Variants in WDR47 observed in about 807,000 individuals in gnomAD.
WDR47 encodes the protein WD repeat-containing protein 47.
Under a neutral mutation model 97.2 loss-of-function variants are expected in WDR47, and 32 were observed. The ratio of observed to expected loss-of-function variants is 0.33; its 90% CI spans 0.25 to 0.44. WDR47 has a LOEUF of 0.44. WDR47 is among the 20% of genes least tolerant of loss of function. The probability of loss-of-function intolerance (pLI) is 1.00; values close to 1 mark genes in which losing one functional copy is unlikely to be tolerated. For missense variants in WDR47, 782 were observed against 1,102.3 expected, an observed-to-expected ratio of 0.71 and a Z score of 4.11; for synonymous variants, 375 against 373.5, an observed-to-expected ratio of 1.00 and a Z score of -0.05.
intron 3 of WDR47, among the ~76,000 whole-genome samples, chr1:109,015,489 A>G (rs1454699765): frequency 1.4e-5 from 2 of 148,086 alleles, no homozygotes; most frequent in Non-Finnish European, 3.0e-5. Flanking sequence ...ACATCCAGCC[A>G]ATTTTTTTTT....
At chr1:109,019,382 C>CA (rs543984146) in intron 2 of WDR47, among the ~76,000 whole-genome samples, 10,767 of 60,960 alleles carry the variant, frequency 0.18, 672 homozygotes, top group Middle Eastern at 0.25. Flanking sequence ...GACTCTGTCT[C>CA]AAAAAAAAAA....
At chr1:109,029,030 A>G (rs1347840694) in intron 1 of WDR47, among the ~76,000 whole-genome samples, 1 of 152,190 alleles carries the variant, frequency 6.6e-6, no homozygotes, top group Non-Finnish European at 1.5e-5. Context: ...AAATATAAGT[A>G]TGTCTGGAAA....
chr1:109,020,342 G>A (rs1661743650), intron 2 of WDR47, among the ~76,000 whole-genome samples: 1 of 151,366 alleles, frequency 6.6e-6, no homozygotes, highest in African/African-American at 2.4e-5. Flanking sequence ...CTCACTGCAA[G>A]CTCTGCCTCC....
At chr1:109,033,432 T>C (rs1662734253) in intron 1 of WDR47, among the ~76,000 whole-genome samples, 1 of 152,154 alleles carries the variant, frequency 6.6e-6, no homozygotes, top group East Asian at 1.9e-4. Context: ...GAACTATGAA[T>C]ACCAATATAT....
chr1:109,011,989 G>A (rs1441938952), intron 4 of WDR47, among the ~76,000 whole-genome samples: 1 of 151,986 alleles, frequency 6.6e-6, no homozygotes, highest in African/African-American at 2.4e-5. Flanking sequence ...TGCTGCCCAC[G>A]CTGGAGTGCA....
intron 14 of WDR47, among the ~76,000 whole-genome samples, chr1:108,972,358 T>C (rs1251254688): frequency 6.6e-6 from 1 of 152,148 alleles, no homozygotes; most frequent in African/African-American, 2.4e-5. Context: ...CTGACATTTA[T>C]ATTTCTACTC....
chr1:108,995,477 A>C, intron 8 of WDR47, 103 bp downstream of exon 8: 1 of 1,391,256 alleles, frequency 7.2e-7, no homozygotes, highest in South Asian at 1.4e-5. Context: ...GGTAGGCAGT[A>C]AGCTCTAAAA....
intron 9 of WDR47, among the ~76,000 whole-genome samples, chr1:108,989,296 C>T (rs1005267698): frequency 6.6e-6 from 1 of 152,228 alleles, no homozygotes; most frequent in Non-Finnish European, 1.5e-5. Context: ...AAAGGAAAAT[C>T]ACTTCAGCTC....
chr1:109,010,155 G>A (rs1190170789), intron 5 of WDR47, among the ~76,000 whole-genome samples: 2 of 152,026 alleles, frequency 1.3e-5, no homozygotes, highest in Non-Finnish European at 2.9e-5. Context: ...ACCAGCAAAA[G>A]AATAAGATAT....
intron 3 of WDR47, among the ~76,000 whole-genome samples, chr1:109,016,871 C>T (rs191668549): frequency 6.6e-6 from 1 of 151,588 alleles, no homozygotes; most frequent in Admixed American, 6.6e-5. Context: ...AAGCACAAGT[C>T]CAAATTACCA....
At chr1:109,008,194 G>C (rs1403770964) in intron 5 of WDR47, among the ~76,000 whole-genome samples, 1 of 151,860 alleles carries the variant, frequency 6.6e-6, no homozygotes, top group Non-Finnish European at 1.5e-5. Context: ...GCACATGAAA[G>C]AAAATATCAC....
chr1:108,977,981 T>C, intron 13 of WDR47, among the ~76,000 whole-genome samples: 1 of 134,778 alleles, frequency 7.4e-6, no homozygotes. Context: ...CGAAACACTC[T>C]CTCAAAAAAA....
At chr1:108,991,006 T>G (rs1450115233) in intron 9 of WDR47, among the ~76,000 whole-genome samples, 1 of 151,866 alleles carries the variant, frequency 6.6e-6, no homozygotes, top group African/African-American at 2.4e-5. Flanking sequence ...TTTTTGTTTT[T>G]TTTTTTTTAA....
intron 1 of WDR47, among the ~76,000 whole-genome samples, chr1:109,037,952 C>T (rs188686269): frequency 4.0e-4 from 61 of 152,122 alleles, no homozygotes; most frequent in Admixed American, 2.7e-3. Context: ...CTCACCTCAG[C>T]CTCCCCAGTA....
At chr1:109,022,775 G>A (rs1335267371) in intron 2 of WDR47, among the ~76,000 whole-genome samples, 2 of 151,450 alleles carry the variant, frequency 1.3e-5, no homozygotes, top group Non-Finnish European at 3.0e-5. Flanking sequence ...AGTAGAGGCG[G>A]GATTTCACCA....
chr1:109,011,007 T>C lies in WDR47; in HGVS notation c.1039A>G (p.Asn347Asp), dbSNP rs1661001209. 1 of 1,614,030 alleles carries C rather than the reference T, an allele frequency of 6.2e-7. No homozygotes were observed. Among genetic ancestry groups the C allele is most frequent in the Non-Finnish European group, 8.5e-7 (1 of 1,180,036 alleles). ...TTTTGTACCCCTGGATAATGGAAGT[T>C]AGCAAAGGAGTGTGACATTGGAGAA... ...KTSPMSHSFANFHYPGVQNLS... is the reference protein window; with the variant it reads ...KTSPMSHSFADFHYPGVQNLS... The change falls in exon 5 of 15, where the codon AAC (asparagine) becomes GAC (aspartate). Residue 347 changes from asparagine to aspartate, a missense_variant. Physicochemically the swap from Asn to Asp is conservative, Grantham distance 23 (BLOSUM62 1). Transcript: ENST00000369962.
At chr1:109,032,405 G>A (rs1237884697) in intron 1 of WDR47, among the ~76,000 whole-genome samples, 1 of 135,180 alleles carries the variant, frequency 7.4e-6, no homozygotes, top group Non-Finnish European at 1.6e-5. Context: ...CTACTCGGGA[G>A]GCTGAGGCAG....
intron 5 of WDR47, among the ~76,000 whole-genome samples, chr1:109,008,978 G>C (rs1034799302): frequency 6.6e-6 from 1 of 152,000 alleles, no homozygotes; most frequent in Non-Finnish European, 1.5e-5. Flanking sequence ...CCAGCTACTC[G>C]GGAGGCTGAG....
At position 108,995,432 on chromosome 1, in the gene WDR47, T is replaced by C. The variant is rs149783948; in HGVS notation, c.1691+148A>G. On this transcript the variant is annotated intron_variant, in intron 8 of 14. Transcript: ENST00000369962. ...AGACTTAGAAGTTGGTAGAAGAGAA[T>C]ATAGACAAATGAAGGCAGATTAGGA... 1,410 of 862,642 alleles carry C rather than the reference T, an allele frequency of 1.6e-3. 7 individuals are homozygous for C. In the African/African-American group the frequency reaches 0.021, roughly 13 times the overall value. The allele number at this position is 862,642 out of a possible 1,614,324, so 53.4% of individuals were successfully genotyped here. A position where few individuals can be genotyped will look rare whatever the true frequency, so the allele number is the denominator to read the frequency against.
Sources: gnomAD v4.1 joint callset for allele counts (sites outside exome capture counted in the v4.1 genomes callset) on GRCh38, gnomAD v4.1.1 for gene constraint, MANE v1.5 for transcripts, NCBI Gene and HGNC (gene_info 2026-07-23, HGNC 2026-07-21) for gene names.